Variants in LIX1 observed in about 807,000 individuals in gnomAD.
LIX1 encodes the protein limb and CNS expressed 1, also known as protein limb expression 1 homolog.
In LIX1, 24 loss-of-function variants were observed where a neutral mutation model predicts 33.4. The ratio of observed to expected loss-of-function variants is 0.72; its 90% CI spans 0.52 to 1.01. LIX1 has a LOEUF of 1.01. Among genes scored for constraint, LIX1 ranks in the 50% least tolerant of loss-of-function variants. The probability of loss-of-function intolerance (pLI) is 0.00; values close to 1 mark genes in which losing one functional copy is unlikely to be tolerated. For synonymous variants in LIX1, 124 were observed against 124.0 expected, an observed-to-expected ratio of 1.00 and a Z score of 0.00; for missense variants, 311 against 339.2, an observed-to-expected ratio of 0.92 and a Z score of 0.65.
rs570376527 is a variant in LIX1, at chr5:97,137,721, C to CT, written c.82+4773dup. Among the ~76,000 whole-genome samples the CT allele has an allele frequency of 1.7e-3, 251 of 151,670 alleles. 1 individual carries two copies. The highest frequency in any genetic ancestry group is 1.9e-3 in the Non-Finnish European group (132 of 67,858). On this transcript the variant is annotated intron_variant, in intron 1 of 5. Transcript: ENST00000274382. ...CACTATAGGGTTTATTTTTGTTTGG[C>CT]TTTTTTTTGTGGTTTTAAACTGTAT... is the stretch of plus-strand genomic sequence containing the variant.
chr5:97,107,959 G>A (rs968342311), intron 2 of LIX1, among the ~76,000 whole-genome samples: 1 of 152,138 alleles, frequency 6.6e-6, no homozygotes. Context: ...TTCAGCTCTG[G>A]CATTTACTAA....
At chr5:97,137,200 A>C in intron 1 of LIX1, 1 of 415,018 alleles carries the variant, frequency 2.4e-6, no homozygotes, top group Admixed American at 2.7e-5. Context: ...TAACTGTTAA[A>C]AACAACAGCA....
In LIX1 at chr5:97,096,833, GA is replaced by G. The variant is rs1746403309; in HGVS notation, c.537del (p.Arg180ValfsTer19). 6.2e-7 allele frequency: 1 copy of G among 1,613,774 alleles called. No homozygotes were observed. Among genetic ancestry groups the G allele is most frequent in the Non-Finnish European group, 8.5e-7 (1 of 1,179,810 alleles). On this transcript the variant is annotated frameshift_variant, in exon 5 of 6. Transcript: ENST00000274382. LOFTEE classifies it high-confidence loss of function. ...LLHWNGSLKALRETKCSRQEV... is the reference protein window; with the variant it reads ...LLHWNGSLKAXRETKCSRQEV... ...ACCTGTCGGGAACACTTTGTTTCAC[GA>G]AGGGCTTTTAGGCTTCCATTCCAGT...
At chr5:97,141,896 G>A (rs926804303) in intron 1 of LIX1, among the ~76,000 whole-genome samples, 1 of 152,110 alleles carries the variant, frequency 6.6e-6, no homozygotes, top group Non-Finnish European at 1.5e-5. Context: ...AAATAACTTT[G>A]CCATGCTGTA....
intron 1 of LIX1, among the ~76,000 whole-genome samples, chr5:97,136,517 A>G (rs761620196): frequency 6.6e-6 from 1 of 152,234 alleles, no homozygotes; most frequent in Non-Finnish European, 1.5e-5. Flanking sequence ...CCTGGGGGTT[A>G]CAGAAAAGTA....
chr5:97,096,927 A>T, intron 4 of LIX1, 40 bp from the exon 5 acceptor site: 1 of 1,455,578 alleles, frequency 6.9e-7, no homozygotes, highest in Non-Finnish European at 9.7e-7. Context: ...CCAAAGCAGA[A>T]ATGTGCATTG....
At chr5:97,104,943 T>C (rs1249130230) in intron 4 of LIX1, among the ~76,000 whole-genome samples, 1 of 152,202 alleles carries the variant, frequency 6.6e-6, no homozygotes, top group Non-Finnish European at 1.5e-5. Flanking sequence ...CCCTTATTTC[T>C]TAGATTTGTG....
intron 5 of LIX1, among the ~76,000 whole-genome samples, chr5:97,096,375 T>C (rs988202987): frequency 2.0e-4 from 31 of 152,222 alleles, no homozygotes; most frequent in Non-Finnish European, 1.0e-4. Context: ...TGGGGACTTT[T>C]GGCAGGAATG....
intron 4 of LIX1, chr5:97,103,124 T>G (rs1180802623): frequency 2.3e-6 from 1 of 440,072 alleles, no homozygotes; most frequent in Non-Finnish European, 4.5e-6. Flanking sequence ...GTTTATATTC[T>G]TTCTCTTGAA....
chr5:97,106,833 G>A (rs1226085018), intron 3 of LIX1, among the ~76,000 whole-genome samples: 6 of 152,132 alleles, frequency 3.9e-5, no homozygotes, highest in Admixed American at 1.3e-4. Flanking sequence ...ATTAACCATG[G>A]TAATTCTAAT....
chr5:97,107,236 TG>T, intron 3 of LIX1, 123 bp downstream of exon 3: 1 of 925,374 alleles, frequency 1.1e-6, no homozygotes, highest in Non-Finnish European at 1.6e-6. Flanking sequence ...AACAATTCAG[TG>T]GGTAAAAATT....
intron 3 of LIX1, among the ~76,000 whole-genome samples, chr5:97,105,722 A>T (rs955881913): frequency 6.6e-6 from 1 of 152,240 alleles, no homozygotes; most frequent in African/African-American, 2.4e-5. Context: ...CGTGATTCTT[A>T]ATAGGAACTT....
intron 1 of LIX1, among the ~76,000 whole-genome samples, chr5:97,129,491 A>C (rs922223592): frequency 6.6e-6 from 1 of 151,918 alleles, no homozygotes; most frequent in Non-Finnish European, 1.5e-5. Context: ...TATTATATGC[A>C]TTTTCCCATT....
intron 1 of LIX1, among the ~76,000 whole-genome samples, chr5:97,127,389 C>T (rs1013609410): frequency 6.6e-6 from 1 of 152,162 alleles, no homozygotes; most frequent in Non-Finnish European, 1.5e-5. Context: ...TTGAAGTTTT[C>T]AAATTTTTCA....
chr5:97,139,874 G>A (rs1056326844), intron 1 of LIX1, among the ~76,000 whole-genome samples: 3 of 152,116 alleles, frequency 2.0e-5, no homozygotes, highest in Admixed American at 1.3e-4. Context: ...CCAGATGAAC[G>A]CCTTGTATAA....
chr5:97,122,567 T>A (rs1267566290), intron 2 of LIX1, among the ~76,000 whole-genome samples: 1 of 152,224 alleles, frequency 6.6e-6, no homozygotes, highest in Non-Finnish European at 1.5e-5. Flanking sequence ...TTTTAATTTT[T>A]ATTTTATATT....
At chr5:97,137,646 C>T (rs1748200141) in intron 1 of LIX1, among the ~76,000 whole-genome samples, 1 of 152,124 alleles carries the variant, frequency 6.6e-6, no homozygotes, top group Non-Finnish European at 1.5e-5. Context: ...TAGCAGAGTT[C>T]AAATTACTGT....
intron 1 of LIX1, among the ~76,000 whole-genome samples, chr5:97,126,201 C>T (rs1338819564): frequency 1.3e-5 from 2 of 152,252 alleles, no homozygotes; most frequent in African/African-American, 4.8e-5. Context: ...CTTTGTGTAA[C>T]ACGGCATCTA....
rs545428768 is a variant in LIX1, at chr5:97,118,903, T to G, written c.246+5563A>C. On this transcript the variant is annotated intron_variant, in intron 2 of 5. Transcript: ENST00000274382. The stretch of plus-strand genomic sequence containing the variant: ...TGTGGTGTCAAGGCTAACTGAAAAT[T>G]CTTTAATTAGCTTTCATGGACACAG... Among the ~76,000 whole-genome samples, 5 of 152,258 alleles carry G rather than the reference T, an allele frequency of 3.3e-5. No individual in the cohort carries two copies. The East Asian group carries it at 9.6e-4, about 29-fold the overall frequency.
Sources: gnomAD v4.1 joint callset for allele counts (sites outside exome capture counted in the v4.1 genomes callset) on GRCh38, gnomAD v4.1.1 for gene constraint, MANE v1.5 for transcripts, NCBI Gene and HGNC (gene_info 2026-07-23, HGNC 2026-07-21) for gene names.